NR1D1: variants seen among roughly 807,000 people sequenced by gnomAD.
NR1D1 encodes the protein nuclear receptor subfamily 1 group D member 1.
A neutral mutation model predicts 51.1 loss-of-function variants in NR1D1; 17 were observed. The observed-to-expected ratio is 0.33, with a 90% CI of 0.23 to 0.50. The LOEUF (loss-of-function observed/expected upper bound fraction) is 0.50. Among genes scored for constraint, NR1D1 ranks in the 20% least tolerant of loss-of-function variants. NR1D1 has a pLI of 0.98. For missense variants in NR1D1, 647 were observed against 830.4 expected (o/e 0.78, Z 2.71); for synonymous variants, 341 against 333.4 (o/e 1.02, Z -0.25).
Position 40,093,706 on chromosome 17 carries a change from G to T in NR1D1, c.1645+206C>A. On this transcript the variant is annotated intron_variant, in intron 7 of 7. Transcript: ENST00000246672. The surrounding 1 kb of genome is among the most constrained non-coding windows in gnomAD (Gnocchi z 5.9). ...CAGAAATAGTTGTCTGTGCTTCCTT[G>T]GTTCATGCTTCTACTGTGACACTTA... The T allele has an allele frequency of 1.6e-6, 1 of 638,078 alleles. No homozygotes were observed. Among genetic ancestry groups the T allele is most frequent in the Non-Finnish European group, 2.7e-6 (1 of 371,640 alleles). 39.5% of individuals were successfully genotyped at this position (638,078 alleles called of 1,614,324 possible).
In NR1D1 at chr17:40,100,254, CCGGACTGCAGCCCTGCAGAAG is replaced by C; in HGVS notation, c.-181_-161del. The C allele has an allele frequency of 1.5e-6, 1 of 676,102 alleles. No homozygotes were observed. The highest frequency in any genetic ancestry group is 2.7e-6 in the Non-Finnish European group (1 of 369,722). The allele number at this position is 676,102 out of a possible 1,614,324, so 41.9% of individuals were successfully genotyped here. The stretch of plus-strand genomic sequence containing the variant: ...ACCCTGCAGCAAGGTCTTGGGGTGG[CCGGACTGCAGCCCTGCAGAAG>C]GGTTGGACGTTGAGGCAACGGAGTT... On this transcript the variant is annotated 5_prime_UTR_variant, in exon 1 of 8. Coordinates refer to ENST00000246672, the MANE Select transcript of NR1D1 (RefSeq NM_021724.5).
In NR1D1 at chr17:40,094,070, A is replaced by G. The variant is rs1342623798; in HGVS notation, c.1487T>C (p.Met496Thr). Residue 496 changes from methionine to threonine, a missense_variant, in exon 7 of 8, where the codon ATG becomes ACG. This residue lies in a region of NR1D1 where 155 missense variants were observed against 236.8 expected (regional missense o/e 0.65). Coordinates refer to ENST00000246672, the MANE Select transcript of NR1D1 (RefSeq NM_021724.5). ...GCTGTAGGTGGTGCGGCTTAGGAACATCACTGTCTGGTCCTTCACGTTGAA... is the reference window on the plus strand; with the variant it reads ...GCTGTAGGTGGTGCGGCTTAGGAACGTCACTGTCTGGTCCTTCACGTTGAA... Reference protein sequence around the residue: ...SLFNVKDQTVMFLSRTTYSLQ... With the variant: ...SLFNVKDQTVTFLSRTTYSLQ... 6 of 1,613,910 alleles carry G rather than the reference A, an allele frequency of 3.7e-6. No individual in the cohort carries two copies. Among genetic ancestry groups the G allele is most frequent in the Non-Finnish European group, 5.1e-6 (6 of 1,180,046 alleles).
chr17:40,097,081 G>A lies in NR1D1; in HGVS notation c.354C>T (p.Ser118=). ...GGTACTCACTGGTGATGTTGCTGGT[G>A]CTCTTGCTGGGGGACACTCGGCTGC... ...EDSSRVSPSK[S]TSNITKLNGM... The change falls in exon 2 of 8, where the codon AGC becomes AGT. Residue 118 remains serine (S), a synonymous_variant. Transcript: ENST00000246672. 1.2e-6 allele frequency: 2 copies of A among 1,600,688 alleles called. No homozygotes were observed. Among genetic ancestry groups the A allele is most frequent in the Non-Finnish European group, 1.7e-6 (2 of 1,172,840 alleles).
intron 6 of NR1D1, among the ~76,000 whole-genome samples, chr17:40,094,681 T>A (rs1379397315): frequency 6.6e-6 from 1 of 152,232 alleles, no homozygotes; most frequent in Non-Finnish European, 1.5e-5. Flanking sequence ...GCAGATCACC[T>A]GGGGTCAGGA....
At position 40,095,130 on chromosome 17, in the gene NR1D1, G is replaced by A. The variant is rs202088565; in HGVS notation, c.1249-10C>T. 1.3e-5 allele frequency: 20 copies of A among 1,595,970 alleles called. No individual in the cohort carries two copies. In the South Asian group the frequency reaches 2.1e-4, roughly 17 times the overall value. ...TGTTCATAGGACATGCCTGGGGGAG[G>A]AAAAGATTGAAGGAGGGGAGTGTCA... On this transcript the variant is annotated splice_polypyrimidine_tract_variant and intron_variant, in intron 5 of 7. Transcript: ENST00000246672.
chr17:40,094,024 C>T lies in NR1D1; in HGVS notation c.1533G>A (p.Met511Ile). The T allele has an allele frequency of 6.2e-7, 1 of 1,614,090 alleles. No homozygotes were observed. Among genetic ancestry groups the T allele is most frequent in the Non-Finnish European group, 8.5e-7 (1 of 1,180,050 alleles). The part of the protein sequence containing the change: ...TTYSLQELGA[M>I]GMGDLLSAMF... ...TGGCACTGAGCAGGTCTCCCATGCC[C>T]ATGGCACCAAGCTCCTGCAGGCTGT... is the stretch of plus-strand genomic sequence containing the variant. The change falls in exon 7 of 8, where the codon ATG (methionine) becomes ATA (isoleucine). Residue 511 changes from methionine to isoleucine, a missense_variant. Met to Ile is a conservative substitution (Grantham distance 10). Coordinates refer to ENST00000246672, the MANE Select transcript of NR1D1 (RefSeq NM_021724.5).
chr17:40,096,811 A>G, intron 2 of NR1D1, 32 bp from the exon 3 acceptor site: 1 of 1,607,660 alleles, frequency 6.2e-7, no homozygotes, highest in Non-Finnish European at 8.5e-7. Flanking sequence ...GGTGAGCAGG[A>G]GAGGCCAGGC....
intron 1 of NR1D1, 54 bp downstream of exon 1, chr17:40,100,010 T>C: frequency 1.5e-6 from 2 of 1,309,448 alleles, no homozygotes; most frequent in Non-Finnish European, 2.2e-6. Context: ...AAGGCGTAGA[T>C]GGAGGTGGGG....
At chr17:40,097,032 C>T in intron 2 of NR1D1, 33 bp downstream of exon 2, 1 of 1,553,834 alleles carries the variant, frequency 6.4e-7, no homozygotes, top group Non-Finnish European at 8.7e-7. Flanking sequence ...TGGCCTGCTT[C>T]CCTTCCCCCG....
rs1473797425 is a variant in NR1D1 at position 40,094,173 on chromosome 17, C to T, written c.1435-51G>A. 3.3e-6 allele frequency: 5 copies of T among 1,535,236 alleles called. No individual in the cohort carries two copies. In the Admixed American group the frequency reaches 8.4e-5, roughly 26 times the overall value. On this transcript the variant is annotated intron_variant, in intron 6 of 7. Coordinates refer to ENST00000246672, the MANE Select transcript of NR1D1 (RefSeq NM_021724.5). ...CTGGGTGTGGTGGGAGGAGCACTGACCAAATCGCCCCTGTAGTTTGCCAGA... is the reference window on the plus strand; with the variant it reads ...CTGGGTGTGGTGGGAGGAGCACTGATCAAATCGCCCCTGTAGTTTGCCAGA...
At chr17:40,098,195 C>G (rs1050434896) in intron 1 of NR1D1, among the ~76,000 whole-genome samples, 16 of 152,162 alleles carry the variant, frequency 1.1e-4, no homozygotes, top group South Asian at 4.1e-4. Context: ...GCTGTGCTCC[C>G]GTGGTATTAG....
At chr17:40,095,263 G>A in intron 5 of NR1D1, 143 bp from the exon 6 acceptor site, 1 of 1,124,756 alleles carries the variant, frequency 8.9e-7, no homozygotes, top group Non-Finnish European at 1.2e-6. Context: ...GTAGCAATTA[G>A]GTGCCAGGTG....
At chr17:40,097,682 T>C (rs1335790117) in intron 1 of NR1D1, among the ~76,000 whole-genome samples, 1 of 152,184 alleles carries the variant, frequency 6.6e-6, no homozygotes, top group African/African-American at 2.4e-5. Flanking sequence ...CCTTCCTTAG[T>C]TGCCTTCCTT....
chr17:40,096,688 C>T lies in NR1D1; in HGVS notation c.459+3G>A. On this transcript the variant is annotated splice_donor_region_variant and intron_variant, in intron 3 of 7. Coordinates refer to ENST00000246672, the MANE Select transcript of NR1D1 (RefSeq NM_021724.5). ...CCCTGCCCTTACCCCCAGTCCGCCT[C>T]ACCTTGCAGCCCTCGCAGGCGTGCA... is the stretch of plus-strand genomic sequence containing the variant. The T allele has an allele frequency of 6.2e-7, 1 of 1,614,222 alleles. No homozygotes were observed.
chr17:40,096,327 C>CT, intron 4 of NR1D1, 116 bp downstream of exon 4: 1 of 1,365,352 alleles, frequency 7.3e-7, no homozygotes, highest in Non-Finnish European at 9.9e-7. Flanking sequence ...TGGACATCCC[C>CT]TGGCACATGT....
intron 1 of NR1D1, among the ~76,000 whole-genome samples, chr17:40,099,176 G>A (rs963147361): frequency 6.6e-6 from 1 of 152,144 alleles, no homozygotes; most frequent in East Asian, 1.9e-4. Context: ...TCCCCAACGA[G>A]GAACCCCGGA....
chr17:40,099,091 G>GGGGCGGGGCA (rs1322315191), intron 1 of NR1D1, among the ~76,000 whole-genome samples: 2 of 151,832 alleles, frequency 1.3e-5, no homozygotes, highest in Non-Finnish European at 2.9e-5. Context: ...AGATCTCGGC[G>GGGGCGGGGCA]GGGCGGGGCA....
At chr17:40,098,602 G>A (rs1463289527) in intron 1 of NR1D1, among the ~76,000 whole-genome samples, 2 of 152,184 alleles carry the variant, frequency 1.3e-5, no homozygotes, top group South Asian at 4.1e-4. Flanking sequence ...CAAGAGTCTA[G>A]GTCTAGGTCT....
At chr17:40,098,578 G>C (rs1161502838) in intron 1 of NR1D1, among the ~76,000 whole-genome samples, 1 of 152,226 alleles carries the variant, frequency 6.6e-6, no homozygotes, top group Admixed American at 6.5e-5. Context: ...CAACGTGGAA[G>C]TGAGGAGCAT....
Sources: allele counts gnomAD v4.1 joint callset (sites outside exome capture counted in the v4.1 genomes callset), GRCh38; gene constraint gnomAD v4.1.1; regional missense constraint gnomAD v4.1.1; non-coding constraint Gnocchi (gnomAD v3.1); transcripts MANE v1.5; gene names NCBI Gene and HGNC (gene_info 2026-07-23, HGNC 2026-07-21).